Variants in KSR2 observed in about 807,000 individuals in gnomAD.
KSR2 encodes the protein kinase suppressor of ras 2.
In KSR2, 25 loss-of-function variants were observed where a neutral mutation model predicts 107.8. That is an observed-to-expected ratio of 0.23 (90% CI 0.17 to 0.32). The LOEUF (loss-of-function observed/expected upper bound fraction) is 0.32, where lower values mean the gene tolerates loss of function less well. Among genes scored for constraint, KSR2 ranks in the 10% least tolerant of loss-of-function variants. KSR2 has a pLI of 1.00. For missense variants in KSR2, 887 were observed against 1,268.9 expected (o/e 0.70, Z 4.57); for synonymous variants, 480 against 507.0 (o/e 0.95, Z 0.71).
At chr12:117,535,884 G>T (rs1876019064) in intron 10 of KSR2, among the ~76,000 whole-genome samples, 1 of 151,948 alleles carries the variant, frequency 6.6e-6, no homozygotes, top group Admixed American at 6.6e-5. Flanking sequence ...AAATCACACA[G>T]CTAGCAAGGA....
At chr12:117,914,023 A>C (rs938163655) in intron 1 of KSR2, among the ~76,000 whole-genome samples, 1 of 152,168 alleles carries the variant, frequency 6.6e-6, no homozygotes, top group Non-Finnish European at 1.5e-5. Context: ...CCCACCCCTT[A>C]CTGGCCATGT....
At chr12:117,617,607 T>G (rs1881957278) in intron 5 of KSR2, among the ~76,000 whole-genome samples, 1 of 152,194 alleles carries the variant, frequency 6.6e-6, no homozygotes, top group Admixed American at 6.5e-5. Context: ...GAGTATATAC[T>G]GTATGAAGCA....
intron 1 of KSR2, among the ~76,000 whole-genome samples, chr12:117,936,508 TATTTTATTA>T (rs1222666496): frequency 3.8e-5 from 4 of 104,086 alleles, no homozygotes; most frequent in African/African-American, 1.3e-4. Context: ...TCATTATTAT[TATTTTATTA>T]TTATTATTAT....
intron 14 of KSR2, among the ~76,000 whole-genome samples, chr12:117,490,695 C>T (rs763907345): frequency 6.6e-6 from 1 of 151,992 alleles, no homozygotes; most frequent in Non-Finnish European, 1.5e-5. Context: ...TGCACCCAGC[C>T]TAAATGGTGA....
At chr12:117,572,818 G>A (rs1878983719) in intron 7 of KSR2, among the ~76,000 whole-genome samples, 1 of 152,114 alleles carries the variant, frequency 6.6e-6, no homozygotes, top group African/African-American at 2.4e-5. Flanking sequence ...AATGCAGATA[G>A]GGGTAGAGAG....
At chr12:117,645,871 G>A (rs1593087125) in intron 5 of KSR2, among the ~76,000 whole-genome samples, 1 of 3,672 alleles carries the variant, frequency 2.7e-4, no homozygotes, top group South Asian at 0.056. Flanking sequence ...GTATGTGCGT[G>A]TGTGTGTGTG....
intron 7 of KSR2, among the ~76,000 whole-genome samples, chr12:117,573,609 C>T (rs1265142507): frequency 6.8e-6 from 1 of 147,686 alleles, no homozygotes; most frequent in African/African-American, 2.5e-5. Context: ...CTCACTGCAA[C>T]CTCCACCTCC....
chr12:117,733,802 A>C (rs1207316673), intron 4 of KSR2, among the ~76,000 whole-genome samples: 1 of 149,000 alleles, frequency 6.7e-6, no homozygotes, highest in Non-Finnish European at 1.5e-5. Context: ...CCTTACAAGG[A>C]AGGCTGGTTT....
intron 16 of KSR2, among the ~76,000 whole-genome samples, chr12:117,481,399 G>T (rs1287438124): frequency 6.6e-6 from 1 of 152,116 alleles, no homozygotes; most frequent in Non-Finnish European, 1.5e-5. Context: ...AATAAGATTG[G>T]TGTTCTTATA....
At chr12:117,531,769 G>T in intron 10 of KSR2, 62 bp from the exon 11 acceptor site, 1 of 1,322,094 alleles carries the variant, frequency 7.6e-7, no homozygotes, top group Non-Finnish European at 1.1e-6. Flanking sequence ...TCAGGGACCA[G>T]ATTGAGCTCT....
rs557379287 is a variant in KSR2 at position 117,507,086 on chromosome 12, A to C, written c.2219+17766T>G. Among the ~76,000 whole-genome samples, 42 of 152,296 alleles carry C rather than the reference A, an allele frequency of 2.8e-4. 1 individual carries two copies. The South Asian group carries it at 8.5e-3, about 31-fold the overall frequency. On this transcript the variant is annotated intron_variant, in intron 14 of 19. Transcript: ENST00000339824. Reference sequence around the variant, plus strand: ...TCATTTTCATTAAAATCCACCTGAAACACTATTTGCCCCTCACATCTGCTT... The same window carrying C: ...TCATTTTCATTAAAATCCACCTGAACCACTATTTGCCCCTCACATCTGCTT...
intron 5 of KSR2, among the ~76,000 whole-genome samples, chr12:117,630,646 C>T (rs1325170499): frequency 1.3e-5 from 2 of 151,826 alleles, no homozygotes; most frequent in Non-Finnish European, 2.9e-5. Flanking sequence ...AGACTGTGGG[C>T]GGTGGTGATG....
At chr12:117,955,465 T>G (rs1006313296) in intron 1 of KSR2, among the ~76,000 whole-genome samples, 1 of 152,052 alleles carries the variant, frequency 6.6e-6, no homozygotes, top group Non-Finnish European at 1.5e-5. Context: ...GAAAGATCAT[T>G]TGGCACAGGG....
Position 117,777,107 on chromosome 12 carries a change from T to TATAC in KSR2, c.473-15584_473-15583insGTAT, listed in dbSNP as rs58787858. Among the ~76,000 whole-genome samples, 78 of 66,146 alleles carry TATAC rather than the reference T, an allele frequency of 1.2e-3. No homozygotes were observed. The East Asian group carries it at 0.013, about 11-fold the overall frequency. 43.4% of individuals were successfully genotyped at this position (66,146 alleles called of 152,430 possible). Reference sequence around the variant, plus strand: ...TATATTTTATATATATATATATATATACACACACACACCATATATATATAC... The same window carrying TATAC: ...TATATTTTATATATATATATATATATATACACACACACACACCATATATATATAC... On this transcript the variant is annotated intron_variant, in intron 3 of 19. Transcript: ENST00000339824.
chr12:117,911,304 A>C (rs1428788868), intron 1 of KSR2, among the ~76,000 whole-genome samples: 1 of 152,100 alleles, frequency 6.6e-6, no homozygotes, highest in Non-Finnish European at 1.5e-5. Context: ...GCCACATCCG[A>C]GCCAAATACT....
At chr12:117,506,537 C>T (rs1214914600) in intron 14 of KSR2, among the ~76,000 whole-genome samples, 3 of 152,164 alleles carry the variant, frequency 2.0e-5, no homozygotes, top group East Asian at 1.9e-4. Context: ...CCCTGGGTGT[C>T]AGAAGAGTTT....
At chr12:117,840,777 C>T (rs1370818765) in intron 3 of KSR2, among the ~76,000 whole-genome samples, 15 of 151,854 alleles carry the variant, frequency 9.9e-5, no homozygotes, top group African/African-American at 3.4e-4. Flanking sequence ...CCGAGGTGGG[C>T]GAATCACGAG....
intron 5 of KSR2, among the ~76,000 whole-genome samples, chr12:117,640,423 G>T (rs1045497244): frequency 6.6e-6 from 1 of 150,614 alleles, no homozygotes; most frequent in East Asian, 1.9e-4. Context: ...GCTAAATTTT[G>T]TATTTTCAGT....
chr12:117,758,682 A>C (rs1888884893), intron 4 of KSR2, among the ~76,000 whole-genome samples: 1 of 152,216 alleles, frequency 6.6e-6, no homozygotes, highest in African/African-American at 2.4e-5. Flanking sequence ...ATTCAACCCT[A>C]TCCAGGCAGA....
Sources: gnomAD v4.1 joint callset for allele counts (sites outside exome capture counted in the v4.1 genomes callset) on GRCh38, gnomAD v4.1.1 for gene constraint, MANE v1.5 for transcripts, NCBI Gene and HGNC (gene_info 2026-07-23, HGNC 2026-07-21) for gene names.